Variants in PCDH15 observed in about 807,000 individuals in gnomAD.
PCDH15 encodes protocadherin related 15.
PCDH15 carries 129 observed loss-of-function variants against 178.5 expected under a neutral mutation model. That is an observed-to-expected ratio of 0.72 (90% CI 0.63 to 0.84). PCDH15 has a LOEUF of 0.84. Ranked by LOEUF, PCDH15 falls within the 40% of genes least tolerant of loss-of-function variation. The pLI is 0.00. For synonymous variants in PCDH15, 800 were observed against 732.0 expected (o/e 1.09, Z -1.50); for missense variants, 2,230 against 2,099.9 (o/e 1.06, Z -1.21).
At chr10:54,829,209 G>A (rs988645918) in intron 3 of PCDH15, among the ~76,000 whole-genome samples, 12 of 151,914 alleles carry the variant, frequency 7.9e-5, no homozygotes, top group South Asian at 2.1e-4. Flanking sequence ...AAGAGAAGTC[G>A]TAATGAATAA....
At chr10:53,996,478 G>A (rs2091855512) in intron 20 of PCDH15, among the ~76,000 whole-genome samples, 2 of 152,104 alleles carry the variant, frequency 1.3e-5, no homozygotes, top group Non-Finnish European at 2.9e-5. Flanking sequence ...ACTTTCATCA[G>A]ATATTTAGCA....
At chr10:54,832,289 C>T (rs1953238251) in intron 3 of PCDH15, among the ~76,000 whole-genome samples, 1 of 152,056 alleles carries the variant, frequency 6.6e-6, no homozygotes, top group Admixed American at 6.6e-5. Context: ...CTGGTCAGAC[C>T]TGATTTAACT....
chr10:54,883,859 C>T (rs906130842), intron 3 of PCDH15, among the ~76,000 whole-genome samples: 1 of 152,048 alleles, frequency 6.6e-6, no homozygotes, highest in African/African-American at 2.4e-5. Context: ...AAACCACAAA[C>T]ATTAAATTGG....
intron 1 of PCDH15, among the ~76,000 whole-genome samples, chr10:54,783,552 G>C (rs555780852): frequency 6.6e-6 from 1 of 152,186 alleles, no homozygotes; most frequent in South Asian, 2.1e-4. Flanking sequence ...ATGAAGATAA[G>C]AATTCATAGA....
chr10:54,360,559 T>C (rs912077608), intron 5 of PCDH15, among the ~76,000 whole-genome samples: 6 of 152,120 alleles, frequency 3.9e-5, no homozygotes, highest in African/African-American at 1.4e-4. Flanking sequence ...TCCCATTTCA[T>C]TACCTTTTAG....
At chr10:54,788,193 G>T (rs1951070388) in intron 1 of PCDH15, among the ~76,000 whole-genome samples, 1 of 151,700 alleles carries the variant, frequency 6.6e-6, no homozygotes, top group African/African-American at 2.4e-5. Flanking sequence ...AAACAAACAG[G>T]GATAAAACAG....
chr10:55,587,811 A>G (rs559330624), intron 2 of PCDH15, among the ~76,000 whole-genome samples: 3 of 152,300 alleles, frequency 2.0e-5, no homozygotes, highest in Admixed American at 1.3e-4. Context: ...GTCGTTTGTT[A>G]GCTTTCAAGT....
At chr10:55,482,530 A>G (rs1162459825) in intron 2 of PCDH15, among the ~76,000 whole-genome samples, 1 of 151,804 alleles carries the variant, frequency 6.6e-6, no homozygotes, top group Non-Finnish European at 1.5e-5. Flanking sequence ...AAATTCCCTC[A>G]GCATTTGCTT....
At position 54,346,423 on chromosome 10, in the gene PCDH15, A is replaced by T. The variant is rs750822290; in HGVS notation, c.536T>A (p.Ile179Lys). The change falls in exon 6 of 38, where the codon ATA becomes AAA. Residue 179 changes from isoleucine to lysine, a missense_variant. Coordinates refer to ENST00000644397, the MANE Select transcript of PCDH15 (RefSeq NM_001384140.1). ...GFSGDNGATD[I>K]DDGPNGQIEY... ...TATCTGTCCATTTGGTCCATCATCT[A>T]TATCTGTAGCTCCATTGTCTCCTGA... The T allele has an allele frequency of 5.0e-6, 8 of 1,613,702 alleles. No individual in the cohort carries two copies. The highest frequency in any genetic ancestry group is 3.3e-4 in the Middle Eastern group (2 of 6,060).
chr10:54,060,851 G>A (rs935551677), intron 18 of PCDH15, among the ~76,000 whole-genome samples: 5 of 152,046 alleles, frequency 3.3e-5, no homozygotes, highest in African/African-American at 1.2e-4. Flanking sequence ...AGAGGTGAGG[G>A]TTGTTAGGTA....
chr10:53,994,971 C>G (rs979640643), intron 21 of PCDH15: 1 of 151,868 alleles, frequency 6.6e-6, no homozygotes, highest in South Asian at 2.1e-4. Flanking sequence ...ATTTATCAGC[C>G]ACCAACTTAC....
At chr10:54,703,828 G>C (rs2095338763) in intron 1 of PCDH15, among the ~76,000 whole-genome samples, 1 of 151,996 alleles carries the variant, frequency 6.6e-6, no homozygotes, top group African/African-American at 2.4e-5. Context: ...CAAAGCTGGA[G>C]GCATCACATT....
At chr10:55,062,536 A>G (rs1355761562) in intron 2 of PCDH15, among the ~76,000 whole-genome samples, 2 of 152,222 alleles carry the variant, frequency 1.3e-5, no homozygotes, top group Non-Finnish European at 2.9e-5. Flanking sequence ...TGGGAATGTC[A>G]AAACTATGGA....
At chr10:54,408,757 G>A (rs1953040565) in intron 3 of PCDH15, among the ~76,000 whole-genome samples, 1 of 152,168 alleles carries the variant, frequency 6.6e-6, no homozygotes, top group Non-Finnish European at 1.5e-5. Flanking sequence ...AATGTACTAT[G>A]AAGGGGACAG....
chr10:55,399,085 A>C lies in PCDH15; in HGVS notation c.-156+228540T>G, dbSNP rs141447901. On this transcript the variant is annotated intron_variant, in intron 2 of 5. Coordinates refer to the PCDH15 transcript ENST00000613346. Reference sequence around the variant, plus strand: ...AAAAATGATTTTAATTTTAATTTTTAATGTATATGTACAAAATTCATTTGG... The same window carrying C: ...AAAAATGATTTTAATTTTAATTTTTCATGTATATGTACAAAATTCATTTGG... Among the ~76,000 whole-genome samples the C allele has an allele frequency of 8.4e-3, 1,276 of 152,306 alleles. 13 individuals carry two copies. Among genetic ancestry groups the C allele is most frequent in the Middle Eastern group, 0.02 (6 of 294 alleles).
At chr10:54,878,738 C>T (rs1431409631) in intron 3 of PCDH15, among the ~76,000 whole-genome samples, 1 of 151,974 alleles carries the variant, frequency 6.6e-6, no homozygotes. Flanking sequence ...TAAATGTGTG[C>T]CATGGTGGTA....
At chr10:54,777,423 C>G (rs1207345449) in intron 1 of PCDH15, among the ~76,000 whole-genome samples, 1 of 152,076 alleles carries the variant, frequency 6.6e-6, no homozygotes, top group African/African-American at 2.4e-5. Flanking sequence ...AGCGGAACTT[C>G]AAGGAAATAT....
intron 4 of PCDH15, among the ~76,000 whole-genome samples, chr10:54,377,079 G>C (rs1205433208): frequency 3.3e-5 from 5 of 151,984 alleles, no homozygotes; most frequent in Admixed American, 3.3e-4. Flanking sequence ...TAAATTTTAT[G>C]TAAAAAGTAG....
intron 1 of PCDH15, among the ~76,000 whole-genome samples, chr10:55,201,934 G>A (rs1840262576): frequency 6.6e-6 from 1 of 152,054 alleles, no homozygotes; most frequent in African/African-American, 2.4e-5. Flanking sequence ...AGAATTTAAA[G>A]TTTTTCATTT....
Sources: allele counts gnomAD v4.1 joint callset (sites outside exome capture counted in the v4.1 genomes callset), GRCh38; gene constraint gnomAD v4.1.1; transcripts MANE v1.5; gene names NCBI Gene and HGNC (gene_info 2026-07-23, HGNC 2026-07-21).